PRKCE: variants seen among roughly 807,000 people sequenced by gnomAD.
PRKCE encodes the protein protein kinase C epsilon.
Under a neutral mutation model 85.4 loss-of-function variants are expected in PRKCE, and 16 were observed. That is an observed-to-expected ratio of 0.19 (90% CI 0.13 to 0.28). The LOEUF is 0.28. PRKCE is among the 10% of genes least tolerant of loss of function. The pLI, the probability that PRKCE is intolerant of heterozygous loss-of-function variation, is 1.00. For missense variants in PRKCE, 573 were observed against 975.2 expected (o/e 0.59, Z 5.49); for synonymous variants, 388 against 371.5 (o/e 1.04, Z -0.51).
At chr2:46,065,559 C>G (rs1667558605) in intron 10 of PRKCE, among the ~76,000 whole-genome samples, 1 of 152,174 alleles carries the variant, frequency 6.6e-6, no homozygotes, top group Non-Finnish European at 1.5e-5. Flanking sequence ...GTAAGGACCA[C>G]AGTTCAGATA....
chr2:45,701,882 C>T (rs1678671392), intron 1 of PRKCE, among the ~76,000 whole-genome samples: 1 of 152,122 alleles, frequency 6.6e-6, no homozygotes, highest in Non-Finnish European at 1.5e-5. Context: ...AAATTTAGGA[C>T]TCACCGTCAC....
intron 11 of PRKCE, among the ~76,000 whole-genome samples, chr2:46,136,796 C>A (rs890678915): frequency 1.3e-5 from 2 of 152,142 alleles, no homozygotes; most frequent in African/African-American, 4.8e-5. Flanking sequence ...CAGTGTCACT[C>A]CCCAGTCCCG....
chr2:45,876,611 C>T (rs989399466), intron 2 of PRKCE, among the ~76,000 whole-genome samples: 17 of 152,312 alleles, frequency 1.1e-4, no homozygotes, highest in South Asian at 1.0e-3. Context: ...CTATATTTCC[C>T]GTTAATCTTT....
At chr2:45,886,463 C>A (rs1290490366) in intron 2 of PRKCE, among the ~76,000 whole-genome samples, 1 of 152,192 alleles carries the variant, frequency 6.6e-6, no homozygotes, top group African/African-American at 2.4e-5. Context: ...AACAAACCTG[C>A]CATGCTGACT....
chr2:45,668,058 C>T (rs1034729878), intron 1 of PRKCE, among the ~76,000 whole-genome samples: 6 of 152,120 alleles, frequency 3.9e-5, no homozygotes, highest in Non-Finnish European at 8.8e-5. Flanking sequence ...GTTCTTGTCA[C>T]GGCTGGGCAC....
chr2:45,871,442 G>C (rs1354126502), intron 2 of PRKCE, among the ~76,000 whole-genome samples: 1 of 152,188 alleles, frequency 6.6e-6, no homozygotes, highest in Non-Finnish European at 1.5e-5. Flanking sequence ...GGGGTGAAGG[G>C]GGCTATAAAT....
chr2:45,776,636 C>G (rs1048558315), intron 1 of PRKCE, among the ~76,000 whole-genome samples: 3 of 152,180 alleles, frequency 2.0e-5, no homozygotes, highest in African/African-American at 7.2e-5. Flanking sequence ...ACTATTAATT[C>G]AGATGATCTA....
At chr2:45,911,972 T>C (rs1697413014) in intron 2 of PRKCE, among the ~76,000 whole-genome samples, 2 of 152,164 alleles carry the variant, frequency 1.3e-5, no homozygotes, top group Admixed American at 1.3e-4. Context: ...TGTGTTGTTG[T>C]TGTCTTTATT....
intron 2 of PRKCE, among the ~76,000 whole-genome samples, chr2:45,934,494 C>A (rs949012756): frequency 6.6e-6 from 1 of 151,886 alleles, no homozygotes; most frequent in African/African-American, 2.4e-5. Context: ...ACTAAAAATA[C>A]AAAAATTAGC....
chr2:45,857,847 C>T (rs1692800773), intron 2 of PRKCE, among the ~76,000 whole-genome samples: 1 of 152,214 alleles, frequency 6.6e-6, no homozygotes, highest in Non-Finnish European at 1.5e-5. Flanking sequence ...TGACCTAAAA[C>T]AGTGCCAGGA....
At chr2:45,832,749 C>T (rs1017078542) in intron 1 of PRKCE, among the ~76,000 whole-genome samples, 11 of 152,186 alleles carry the variant, frequency 7.2e-5, no homozygotes, top group Admixed American at 4.6e-4. Context: ...AGCATTGGGT[C>T]TCCACTTGGA....
At chr2:45,780,599 C>T (rs912423276) in intron 1 of PRKCE, among the ~76,000 whole-genome samples, 3 of 152,184 alleles carry the variant, frequency 2.0e-5, no homozygotes, top group Non-Finnish European at 4.4e-5. Context: ...ACTTGTCTTT[C>T]GAGGCACATG....
chr2:45,819,756 C>T (rs1160670952), intron 1 of PRKCE, among the ~76,000 whole-genome samples: 1 of 152,198 alleles, frequency 6.6e-6, no homozygotes, highest in African/African-American at 2.4e-5. Flanking sequence ...CTTTGAAACC[C>T]ATGGTGGTGC....
At chr2:45,761,195 T>A (rs187041084) in intron 1 of PRKCE, among the ~76,000 whole-genome samples, 4 of 151,652 alleles carry the variant, frequency 2.6e-5, no homozygotes, top group Non-Finnish European at 2.9e-5. Context: ...AGTGTGGTGG[T>A]GGGCGCCTGT....
intron 1 of PRKCE, among the ~76,000 whole-genome samples, chr2:45,690,315 G>C (rs928594780): frequency 6.6e-6 from 1 of 152,194 alleles, no homozygotes; most frequent in African/African-American, 2.4e-5. Context: ...AAAAATAGTT[G>C]TTGCAAATCA....
chr2:45,961,896 T>G (rs1281056932), intron 2 of PRKCE, among the ~76,000 whole-genome samples: 2 of 152,250 alleles, frequency 1.3e-5, no homozygotes, highest in African/African-American at 4.8e-5. Flanking sequence ...GGTTTCTCCA[T>G]GTTGGTCAGG....
At chr2:45,961,184 A>T (rs759024522) in intron 2 of PRKCE, among the ~76,000 whole-genome samples, 3 of 152,148 alleles carry the variant, frequency 2.0e-5, no homozygotes, top group Non-Finnish European at 4.4e-5. Context: ...GCTTCTCTCC[A>T]TAGGCAGGAG....
chr2:45,822,508 A>T (rs1689617183), intron 1 of PRKCE, among the ~76,000 whole-genome samples: 1 of 152,224 alleles, frequency 6.6e-6, no homozygotes, highest in Non-Finnish European at 1.5e-5. Context: ...TGTGGACACA[A>T]GGGTAACTGC....
At chr2:46,112,462 A>G (rs114176190) in intron 11 of PRKCE, among the ~76,000 whole-genome samples, 6,998 of 147,152 alleles carry the variant, frequency 0.048, 257 homozygotes, top group Non-Finnish European at 0.072. Context: ...GTTAATATCT[A>G]CTCTCTTTAT....
Sources: gnomAD v4.1 joint callset for allele counts (sites outside exome capture counted in the v4.1 genomes callset) on GRCh38, gnomAD v4.1.1 for gene constraint, MANE v1.5 for transcripts, NCBI Gene and HGNC (gene_info 2026-07-23, HGNC 2026-07-21) for gene names.